Variants in RAD54L observed in about 807,000 individuals in gnomAD.
RAD54L encodes the protein RAD54 like.
Under a neutral mutation model 91.6 loss-of-function variants are expected in RAD54L, and 74 were observed. That is an observed-to-expected ratio of 0.81 (90% confidence interval 0.67 to 0.98). The LOEUF is 0.98. Ranked by LOEUF, RAD54L falls within the 50% of genes least tolerant of loss-of-function variation. RAD54L has a pLI of 0.00. For missense variants in RAD54L, 887 were observed against 945.7 expected (o/e 0.94, Z 0.81); for synonymous variants, 304 against 349.7 (o/e 0.87, Z 1.46).
chr1:46,250,684 C>T (rs940167587), intron 3 of RAD54L, among the ~76,000 whole-genome samples: 5 of 152,084 alleles, frequency 3.3e-5, no homozygotes, highest in African/African-American at 9.7e-5. Context: ...CATTTAAAAA[C>T]GGTTTTGTGG....
rs536387647 is a variant in RAD54L at position 46,265,570 on chromosome 1, C to T, written c.892-1889C>T. ...ATTACAGGCATGAGCCACCATGCCC[C>T]GTTGGTTTATTTAATCTTTAATAGC... On this transcript the variant is annotated intron_variant, in intron 8 of 17. Coordinates refer to ENST00000371975, the MANE Select transcript of RAD54L (RefSeq NM_003579.4). This position sits in a 1 kb window ranked among gnomAD's most constrained non-coding sequence, Gnocchi z 4.8. Among the ~76,000 whole-genome samples the T allele has an allele frequency of 4.6e-5, 7 of 152,248 alleles. No homozygotes were observed. The East Asian group carries it at 5.8e-4, about 13-fold the overall frequency.
At chr1:46,261,195 G>GTTT (rs1277499745) in intron 7 of RAD54L, 66 bp from the exon 8 acceptor site, 9 of 1,555,118 alleles carry the variant, frequency 5.8e-6, no homozygotes, top group African/African-American at 5.6e-5. Flanking sequence ...CTGTCTAATT[G>GTTT]TTTTTTTTGT....
rs1660187265 is a variant in RAD54L at position 46,263,462 on chromosome 1, C to T, written c.891+2077C>T. ...CAACCAGTTGTCAGGCTAGGCTCAG[C>T]TCTGGGTACTGTAGATTAGCCCAGT... On this transcript the variant is annotated intron_variant, in intron 8 of 17. Coordinates refer to ENST00000371975, the MANE Select transcript of RAD54L (RefSeq NM_003579.4). This position sits in a 1 kb window ranked among gnomAD's most constrained non-coding sequence, Gnocchi z 4.3. 6.6e-6 allele frequency among the ~76,000 whole-genome samples: 1 copy of T among 152,192 alleles called. No individual in the cohort carries two copies. Among genetic ancestry groups the T allele is most frequent in the African/African-American group, 2.4e-5 (1 of 41,446 alleles).
At chr1:46,249,284 G>C (rs1425267052) in intron 2 of RAD54L, among the ~76,000 whole-genome samples, 4 of 152,192 alleles carry the variant, frequency 2.6e-5, no homozygotes, top group Non-Finnish European at 5.9e-5. Flanking sequence ...TGTGGGGTAG[G>C]GGTGCTGGTG....
In RAD54L at chr1:46,248,388, TA is replaced by T; in HGVS notation, c.-15del. The T allele has an allele frequency of 6.2e-7, 1 of 1,613,718 alleles. No homozygotes were observed. ...TTTGGCTCATGGGTACTTGACGTTT[TA>T]AACTCCTAGGCCCAGGATGGTAAGT... On this transcript the variant is annotated 5_prime_UTR_variant, in exon 1 of 18. Transcript: ENST00000371975.
chr1:46,274,064 A>G, intron 14 of RAD54L, 74 bp from the exon 15 acceptor site: 1 of 1,447,702 alleles, frequency 6.9e-7, no homozygotes, highest in South Asian at 1.2e-5. Context: ...CTTTTTAAAA[A>G]AATTTTTATT....
At chr1:46,278,030 G>A in intron 17 of RAD54L, 42 bp from the exon 18 acceptor site, 2 of 1,614,164 alleles carry the variant, frequency 1.2e-6, no homozygotes, top group Non-Finnish European at 1.7e-6. Context: ...ACAGTAGGGA[G>A]ATGGGATCTG....
At position 46,260,976 on chromosome 1, in the gene RAD54L, A is replaced by G. The variant is rs1361472063; in HGVS notation, c.727A>G (p.Ile243Val). 6.2e-7 allele frequency: 1 copy of G among 1,614,006 alleles called. No individual in the cohort carries two copies. Among genetic ancestry groups the G allele is most frequent in the Non-Finnish European group, 8.5e-7 (1 of 1,180,038 alleles). Residue 243 changes from isoleucine (I) to valine (V), a missense_variant, in exon 7 of 18, where the codon ATC becomes GTC. By Grantham distance (29) the Ile-to-Val change is conservative. Coordinates refer to ENST00000371975, the MANE Select transcript of RAD54L (RefSeq NM_003579.4). ...WLGGRIQPLA[I>V]DGGSKDEIDQ... ...CGGAGGGAGGATCCAACCTCTGGCC[A>G]TCGATGGAGGATCTAAGGATGAAAT...
At chr1:46,259,937 G>C (rs918459093) in intron 4 of RAD54L, 27 bp from the exon 5 acceptor site, 2 of 1,614,028 alleles carry the variant, frequency 1.2e-6, no homozygotes, top group Admixed American at 3.3e-5. Flanking sequence ...CATAGATTCA[G>C]GTGACGGAAT....
At chr1:46,250,584 C>G (rs1161087834) in intron 3 of RAD54L, among the ~76,000 whole-genome samples, 1 of 152,158 alleles carries the variant, frequency 6.6e-6, no homozygotes, top group Non-Finnish European at 1.5e-5. Flanking sequence ...CTGTCTATCT[C>G]CAAAGCTTTT....
intron 8 of RAD54L, 36 bp downstream of exon 8, chr1:46,261,421 A>T: frequency 4.3e-6 from 7 of 1,612,414 alleles, no homozygotes; most frequent in Non-Finnish European, 5.9e-6. Flanking sequence ...GGTAGGAGAA[A>T]ATCTGTCAAA....
intron 3 of RAD54L, 35 bp downstream of exon 3, chr1:46,250,154 G>C: frequency 6.2e-7 from 1 of 1,613,506 alleles, no homozygotes; most frequent in Non-Finnish European, 8.5e-7. Flanking sequence ...GTGTATGTCT[G>C]TGCCCAGTCA....
chr1:46,256,226 G>A (rs1257797143), intron 3 of RAD54L, among the ~76,000 whole-genome samples: 1 of 152,022 alleles, frequency 6.6e-6, no homozygotes, highest in African/African-American at 2.4e-5. Flanking sequence ...ATGTGCCACA[G>A]TGCCTGGGTA....
At chr1:46,255,781 G>A (rs1387645298) in intron 3 of RAD54L, among the ~76,000 whole-genome samples, 2 of 151,964 alleles carry the variant, frequency 1.3e-5, no homozygotes, top group African/African-American at 2.4e-5. Context: ...GATTACAGGC[G>A]TGCACTGTGC....
chr1:46,278,070 A>G lies in RAD54L; in HGVS notation c.2034-2A>G. The G allele has an allele frequency of 6.2e-7, 1 of 1,614,138 alleles. No homozygotes were observed. The highest frequency in any genetic ancestry group is 8.5e-7 in the Non-Finnish European group (1 of 1,179,996). On this transcript the variant is annotated splice_acceptor_variant, in intron 17 of 17. Coordinates refer to ENST00000371975, the MANE Select transcript of RAD54L (RefSeq NM_003579.4). LOFTEE classifies it high-confidence loss of function. ...GACTTCAGCTGTGCCTTCTGTCCCT[A>G]GGTTGCACTGCCGACGTTGTGTCAA...
At chr1:46,273,250 T>C (rs1660487877) in intron 12 of RAD54L, 105 bp from the exon 13 acceptor site, 4 of 937,568 alleles carry the variant, frequency 4.3e-6, no homozygotes, top group Non-Finnish European at 7.1e-6. Flanking sequence ...AAGTCTGATG[T>C]TGAGGAAGGC....
chr1:46,249,986 A>C lies in RAD54L; in HGVS notation c.91-14A>C. 6.2e-7 allele frequency: 1 copy of C among 1,613,576 alleles called. No individual in the cohort carries two copies. Among genetic ancestry groups the C allele is most frequent in the Non-Finnish European group, 8.5e-7 (1 of 1,179,548 alleles). ...GGTCTTCTAGACTTCACCTTTCCCA[A>C]TTCTCTCTCCTAGACTCCTAGGAAA... On this transcript the variant is annotated splice_polypyrimidine_tract_variant and intron_variant, in intron 2 of 17. Coordinates refer to ENST00000371975, the MANE Select transcript of RAD54L (RefSeq NM_003579.4).
At chr1:46,260,462 G>A (rs535998793) in intron 5 of RAD54L, 80 bp from the exon 6 acceptor site, 14 of 1,397,536 alleles carry the variant, frequency 1.0e-5, no homozygotes, top group East Asian at 2.3e-5. Context: ...TGTTGCCTCC[G>A]GATCAGCAGG....
At position 46,273,464 on chromosome 1, in the gene RAD54L, AG is replaced by A. The variant is rs1207183824; in HGVS notation, c.1486+1del. On this transcript the variant is annotated frameshift_variant and splice_region_variant, in exon 13 of 18. Coordinates refer to ENST00000371975, the MANE Select transcript of RAD54L (RefSeq NM_003579.4). LOFTEE classifies it high-confidence loss of function. ...CTAAGGCCCTGGAGCCCCAGCTGTC[AG>A]GTGACCCTTTTCCTACCAGTATTTG... ...SSKALEPQLS[G>X]KMLVLDYILA... The A allele has an allele frequency of 1.2e-6, 2 of 1,613,062 alleles. No homozygotes were observed. Among genetic ancestry groups the A allele is most frequent in the Non-Finnish European group, 1.7e-6 (2 of 1,179,314 alleles).
Sources: allele counts gnomAD v4.1 joint callset (sites outside exome capture counted in the v4.1 genomes callset), GRCh38; gene constraint gnomAD v4.1.1; non-coding constraint Gnocchi (gnomAD v3.1); transcripts MANE v1.5; gene names NCBI Gene and HGNC (gene_info 2026-07-23, HGNC 2026-07-21).